FGF14: variants seen among roughly 807,000 people sequenced by gnomAD.
FGF14 encodes fibroblast growth factor 14.
Under a neutral mutation model 25.5 loss-of-function variants are expected in FGF14, and 5 were observed. The observed-to-expected ratio is 0.20, with a 90% CI of 0.10 to 0.41. The LOEUF (loss-of-function observed/expected upper bound fraction) is 0.41. FGF14 is among the 10% of genes least tolerant of loss of function. The probability of loss-of-function intolerance (pLI) is 1.00; values close to 1 mark genes in which losing one functional copy is unlikely to be tolerated. For synonymous variants in FGF14, 138 were observed against 118.3 expected (o/e 1.17, Z -1.08); for missense variants, 222 against 320.1 (o/e 0.69, Z 2.34).
intron 1 of FGF14, among the ~76,000 whole-genome samples, chr13:102,239,808 C>T (rs2051504904): frequency 6.6e-6 from 1 of 152,126 alleles, no homozygotes; most frequent in South Asian, 2.1e-4. Context: ...TCCTTCACAA[C>T]AGGTCATCTT....
At chr13:102,145,296 T>C (rs939703482) in intron 1 of FGF14, among the ~76,000 whole-genome samples, 1 of 152,166 alleles carries the variant, frequency 6.6e-6, no homozygotes, top group Non-Finnish European at 1.5e-5. Flanking sequence ...CAATGAACTA[T>C]ATAAGTTCTA....
chr13:102,159,314 C>T (rs1209622346), intron 1 of FGF14, among the ~76,000 whole-genome samples: 3 of 152,112 alleles, frequency 2.0e-5, no homozygotes, highest in Admixed American at 6.5e-5. Flanking sequence ...TGCCACCCAG[C>T]AAAGCTTCAT....
At chr13:101,974,851 A>C (rs553286774) in intron 1 of FGF14, among the ~76,000 whole-genome samples, 1 of 152,184 alleles carries the variant, frequency 6.6e-6, no homozygotes, top group Non-Finnish European at 1.5e-5. Context: ...TGTTGAATGA[A>C]TGTGTGTCCA....
chr13:101,899,615 T>C (rs2031257043), intron 1 of FGF14, among the ~76,000 whole-genome samples: 1 of 151,998 alleles, frequency 6.6e-6, no homozygotes, highest in Non-Finnish European at 1.5e-5. Context: ...ATGTGGGACA[T>C]TATGATAAAG....
At chr13:101,777,481 C>T (rs2039198142) in intron 3 of FGF14, among the ~76,000 whole-genome samples, 1 of 152,102 alleles carries the variant, frequency 6.6e-6, no homozygotes, top group African/African-American at 2.4e-5. Context: ...GGTTTGACAT[C>T]TGAATTTAAC....
At position 101,795,956 on chromosome 13, in the gene FGF14, C is replaced by T. The variant is rs538030331; in HGVS notation, c.409-69146G>A. 1.2e-4 allele frequency among the ~76,000 whole-genome samples: 18 copies of T among 151,670 alleles called. No homozygotes were observed. In the East Asian group the frequency reaches 3.1e-3, roughly 26 times the overall value. Reference sequence around the variant, plus strand: ...TGAATTGAGGAAAAAATGCCAAATACGATAGAATTTAGCTTGTGTAAAGTG... The same window carrying T: ...TGAATTGAGGAAAAAATGCCAAATATGATAGAATTTAGCTTGTGTAAAGTG... On this transcript the variant is annotated intron_variant, in intron 3 of 4. Coordinates refer to ENST00000376143, the MANE Select transcript of FGF14 (RefSeq NM_004115.4).
intron 1 of FGF14, among the ~76,000 whole-genome samples, chr13:102,356,962 T>C (rs2057434882): frequency 6.7e-6 from 1 of 148,748 alleles, no homozygotes; most frequent in Non-Finnish European, 1.5e-5. Context: ...CACAAACAGA[T>C]ATTCATATCT....
intron 1 of FGF14, among the ~76,000 whole-genome samples, chr13:101,946,323 C>T (rs2035801938): frequency 6.8e-6 from 1 of 148,004 alleles, no homozygotes; most frequent in East Asian, 2.0e-4. Flanking sequence ...TGTTGTATTG[C>T]CCTTCTGATT....
chr13:101,910,788 C>T (rs1208472372), intron 1 of FGF14, among the ~76,000 whole-genome samples: 1 of 150,190 alleles, frequency 6.7e-6, no homozygotes, highest in Non-Finnish European at 1.5e-5. Context: ...CTGTAACTGG[C>T]TTTAAATTGC....
rs190483898 is a variant in FGF14, at chr13:101,732,439, T to G, written c.409-5629A>C. On this transcript the variant is annotated intron_variant, in intron 3 of 4. Coordinates refer to ENST00000376143, the MANE Select transcript of FGF14 (RefSeq NM_004115.4). ...TAGCAAATAGCACATAATAAATACA[T>G]GATAAATAATAGCTACTAATATATT... 5.2e-4 allele frequency among the ~76,000 whole-genome samples: 79 copies of G among 152,294 alleles called. 1 individual carries two copies. Among genetic ancestry groups the G allele is most frequent in the Admixed American group, 4.1e-3 (62 of 15,296 alleles).
chr13:101,964,160 G>T (rs2037041146), intron 1 of FGF14, among the ~76,000 whole-genome samples: 1 of 152,058 alleles, frequency 6.6e-6, no homozygotes, highest in South Asian at 2.1e-4. Context: ...AATCAAGAAA[G>T]TTCATTTCAG....
rs989196466 is a variant in FGF14 at position 102,140,048 on chromosome 13, C to A, written c.208+261423G>T. 7.0e-5 allele frequency among the ~76,000 whole-genome samples: 10 copies of A among 142,622 alleles called. No individual in the cohort carries two copies. The East Asian group carries it at 1.3e-3, about 18-fold the overall frequency. The allele number at this position is 142,622 out of a possible 152,430, so 93.6% of individuals were successfully genotyped here. ...TTTAGGTCAAACTCTTCAAGACCCC[C>A]CCCCCCCCTTACAGCAGTAAGTCAT... On this transcript the variant is annotated intron_variant, in intron 1 of 4. Transcript: ENST00000376131.
At chr13:101,981,237 G>A (rs570033925) in intron 1 of FGF14, among the ~76,000 whole-genome samples, 10 of 152,076 alleles carry the variant, frequency 6.6e-5, no homozygotes, top group East Asian at 3.9e-4. Context: ...CCGAGATTGC[G>A]TCATTGCACT....
rs746302532 is a variant in FGF14 at position 102,117,310 on chromosome 13, C to CTGACT, written c.209-242015_209-242014insAGTCA. On this transcript the variant is annotated intron_variant, in intron 1 of 4. Transcript: ENST00000376131. ...CCACCTCACATAGCCCAACTCTAGT[C>CTGACT]TGCTCCCGTCCTGACTTGCTCCTGT... 1.1e-3 allele frequency among the ~76,000 whole-genome samples: 168 copies of CTGACT among 152,172 alleles called. 1 individual carries two copies. Among genetic ancestry groups the CTGACT allele is most frequent in the Non-Finnish European group, 2.2e-3 (147 of 68,032 alleles).
intron 3 of FGF14, among the ~76,000 whole-genome samples, chr13:101,731,433 C>T (rs779535327): frequency 2.0e-5 from 3 of 152,100 alleles, no homozygotes; most frequent in Non-Finnish European, 4.4e-5. Flanking sequence ...TAATTTGCAC[C>T]ACTGCCAAAC....
chr13:102,132,937 A>G (rs779768393), intron 1 of FGF14, among the ~76,000 whole-genome samples: 4 of 152,162 alleles, frequency 2.6e-5, no homozygotes, highest in Non-Finnish European at 2.9e-5. Context: ...GTTCTGTTGA[A>G]CCTGAATGCA....
chr13:102,059,741 C>G (rs2042593286), intron 1 of FGF14, among the ~76,000 whole-genome samples: 1 of 152,024 alleles, frequency 6.6e-6, no homozygotes, highest in African/African-American at 2.4e-5. Context: ...GCCCCAGCTA[C>G]TCAGGAGGCT....
Position 101,875,219 on chromosome 13 carries a change from G to C in FGF14, c.271C>G (p.Leu91Val), listed in dbSNP as rs1389785217. The change falls in exon 2 of 5, where the codon CTC becomes GTC. Residue 91 changes from leucine (L) to valine (V), a missense_variant. Physicochemically the swap from Leu to Val is conservative, Grantham distance 32. Around this residue, in one of 5 missense-constraint regions of FGF14, gnomAD observed 50 missense variants for 75.2 expected, o/e 0.66. Coordinates refer to ENST00000376143, the MANE Select transcript of FGF14 (RefSeq NM_004115.4). ...GTGCTGTCATCCTTGGTTCCATCGA[G>C]AGCTCCATCGGGGTGCATTTGCAAG... Reference protein sequence around the residue: ...YYLQMHPDGALDGTKDDSTNS... With the variant: ...YYLQMHPDGAVDGTKDDSTNS... 6.2e-7 allele frequency: 1 copy of C among 1,613,416 alleles called. No individual in the cohort carries two copies. The highest frequency in any genetic ancestry group is 1.3e-5 in the African/African-American group (1 of 74,990).
intron 1 of FGF14, among the ~76,000 whole-genome samples, chr13:101,899,664 A>G (rs1255002361): frequency 1.3e-5 from 2 of 152,054 alleles, no homozygotes; most frequent in East Asian, 3.8e-4. Flanking sequence ...TAGCAAATAA[A>G]AAGTAAACAT....
Sources: gnomAD v4.1 joint callset for allele counts (sites outside exome capture counted in the v4.1 genomes callset) on GRCh38, gnomAD v4.1.1 for gene constraint, gnomAD v4.1.1 regional missense constraint, MANE v1.5 for transcripts, NCBI Gene and HGNC (gene_info 2026-07-23, HGNC 2026-07-21) for gene names.